The following KRTAP10-6 variants were observed in gnomAD, a reference collection of about 807,000 sequenced individuals.
The protein encoded by KRTAP10-6 is keratin-associated protein 10-6.
A neutral mutation model predicts 0.5 loss-of-function variants in KRTAP10-6; 1 was observed. That is an observed-to-expected ratio of 1.92 (90% confidence interval 0.68 to 9.09). KRTAP10-6 has a LOEUF of 9.09. Ranked by LOEUF, KRTAP10-6 falls within the 30% of genes most tolerant of loss-of-function variation. The probability of loss-of-function intolerance (pLI) is 0.13; values close to 1 mark genes in which losing one functional copy is unlikely to be tolerated. For missense variants in KRTAP10-6, 337 were observed against 464.2 expected (o/e 0.73, Z 2.52); for synonymous variants, 136 against 196.5 (o/e 0.69, Z 2.58).
Position 44,592,481 on chromosome 21 carries a change from C to A in KRTAP10-6, c.4G>T (p.Ala2Ser), listed in dbSNP as rs200782691. The change falls in exon 1 of 1, where the codon GCC (alanine) becomes TCC (serine). Residue 2 changes from alanine (A) to serine (S), a missense_variant. Transcript: ENST00000400368. Reference sequence around the variant, plus strand: ...GAGCAGACGGACATGGTGGACGCGGCCATGCTGGGGTTGAACTGGTGGAGG... The same window carrying A: ...GAGCAGACGGACATGGTGGACGCGGACATGCTGGGGTTGAACTGGTGGAGG... M[A>S]ASTMSVCSSD... 1.2e-6 allele frequency: 2 copies of A among 1,608,598 alleles called. No individual in the cohort carries two copies. Among genetic ancestry groups the A allele is most frequent in the Non-Finnish European group, 1.7e-6 (2 of 1,176,980 alleles).
rs782451272 is a variant in KRTAP10-6 at position 44,592,181 on chromosome 21, A to G, written c.304T>C (p.Ser102Pro). ...QSSCQLACCASSPCQQACCVP... is the reference protein window; with the variant it reads ...QSSCQLACCAPSPCQQACCVP... The stretch of plus-strand genomic sequence containing the variant: ...CAGCAGGCCTGCTGGCAGGGGGAGG[A>G]GGCACAGCAAGCCAGCTGGCAGCTA... Residue 102 changes from serine (S) to proline (P), a missense_variant, in exon 1 of 1, where the codon TCC becomes CCC. By Grantham distance (74) the Ser-to-Pro change is moderately conservative. Around this residue, in one of 3 missense-constraint regions of KRTAP10-6, gnomAD observed 87 missense variants for 208.2 expected, o/e 0.42. Coordinates refer to ENST00000400368, the MANE Select transcript of KRTAP10-6 (RefSeq NM_198688.3). 3.2e-6 allele frequency: 5 copies of G among 1,576,452 alleles called. No individual in the cohort carries two copies. The highest frequency in any genetic ancestry group is 4.3e-6 in the Non-Finnish European group (5 of 1,155,234).
In KRTAP10-6 at chr21:44,591,914, A is replaced by C. The variant is rs1555926724; in HGVS notation, c.571T>G (p.Cys191Gly). The C allele has an allele frequency of 2.5e-6, 4 of 1,608,862 alleles. No homozygotes were observed. In the Admixed American group the frequency reaches 6.7e-5, roughly 27 times the overall value. The change falls in exon 1 of 1, where the codon TGT becomes GGT. Residue 191 changes from cysteine (C) to glycine (G), a missense_variant. Around this residue, in one of 3 missense-constraint regions of KRTAP10-6, gnomAD observed 218 missense variants for 225.3 expected, o/e 0.97. Transcript: ENST00000400368. ...CCTGATTGGCAGGGGCTGGGCTCAC[A>C]GACCGCCTGGCAGCAGGGGCTGGAC... ...CVSSPCCQAV[C>G]EPSPCQSGCT...
At position 44,592,048 on chromosome 21, in the gene KRTAP10-6, C is replaced by A. The variant is rs1354562363; in HGVS notation, c.437G>T (p.Cys146Phe). Residue 146 changes from cysteine (C) to phenylalanine (F), a missense_variant, in exon 1 of 1, where the codon TGC (cysteine) becomes TTC (phenylalanine). By Grantham distance (205) the Cys-to-Phe change is radical (BLOSUM62 -2). Transcript: ENST00000400368. ...GGCCTGCTGGCAGGGGGAGGAGGTG[C>A]AGCAAGCTGACTGGCAGCTAGACTG... ...CQQSSCQSACCTSSPCQQACC... is the reference protein window; with the variant it reads ...CQQSSCQSACFTSSPCQQACC... 5 of 1,600,976 alleles carry A rather than the reference C, an allele frequency of 3.1e-6. No homozygotes were observed. Among genetic ancestry groups the A allele is most frequent in the Non-Finnish European group, 4.3e-6 (5 of 1,173,216 alleles).
rs1382498347 is a variant in KRTAP10-6, at chr21:44,592,379, C to T, written c.106G>A (p.Asp36Asn). 9 of 1,558,712 alleles carry T rather than the reference C, an allele frequency of 5.8e-6. No individual in the cohort carries two copies. In the East Asian group the frequency reaches 9.1e-5, roughly 16 times the overall value. ...DSCSDSWQVD[D>N]CPESCCEPPC... ...GGCTCACAGCAGCTCTCTGGGCAGT[C>T]GTCCACCTGCCAGGAGTCGGAGCAA... The change falls in exon 1 of 1, where the codon GAC becomes AAC. Residue 36 changes from aspartate to asparagine, a missense_variant. Asp to Asn is a conservative substitution (Grantham distance 23, BLOSUM62 1). This residue lies in a region of KRTAP10-6 where 87 missense variants were observed against 208.2 expected (regional missense o/e 0.42). Transcript: ENST00000400368.
In KRTAP10-6 at chr21:44,591,449, G is replaced by A. The variant is rs200502354; in HGVS notation, c.1036C>T (p.Arg346Cys). 257 of 1,613,960 alleles carry A rather than the reference G, an allele frequency of 1.6e-4. No homozygotes were observed. The highest frequency in any genetic ancestry group is 8.0e-4 in the African/African-American group (60 of 74,978). Reference protein sequence around the residue: ...RTASCVSLLCRPMCSRPACYS... With the variant: ...RTASCVSLLCCPMCSRPACYS... ...CAGGCAGGGCGGGAGCACATGGGGC[G>A]GCAGAGGAGGGAAACACAGGAGGCC... Residue 346 changes from arginine to cysteine, a missense_variant, in exon 1 of 1, where the codon CGC becomes TGC. Physicochemically the swap from Arg to Cys is radical, Grantham distance 180 (BLOSUM62 -3). This residue lies in a region of KRTAP10-6 where 218 missense variants were observed against 225.3 expected (regional missense o/e 0.97). Coordinates refer to ENST00000400368, the MANE Select transcript of KRTAP10-6 (RefSeq NM_198688.3).
chr21:44,591,390 G>A lies in KRTAP10-6; in HGVS notation c.1095C>T (p.Cys365=), dbSNP rs782547201. The A allele has an allele frequency of 3.1e-6, 5 of 1,603,298 alleles. No individual in the cohort carries two copies. In the East Asian group the frequency reaches 6.7e-5, roughly 21 times the overall value. Reference sequence around the variant, plus strand: ...CTCCGGATCACATCCAGGGCTGTCAGCAGCTGGACTTCTGGCCAGAGCAGA... The same window carrying A: ...CTCCGGATCACATCCAGGGCTGTCAACAGCTGGACTTCTGGCCAGAGCAGA... ...YSLCSGQKSS[C] Residue 365 remains cysteine, a synonymous_variant, in exon 1 of 1, where the codon TGC becomes TGT. Transcript: ENST00000400368.
rs1979849838 is a variant in KRTAP10-6 at position 44,591,604 on chromosome 21, G to T, written c.881C>A (p.Thr294Asn). ...GGAGGAGGATCTGCAGCAGGAGGCG[G>T]TGCAGCAAGCCGGCTGGCAGCTAGA... ...QQSSCQPACC[T>N]ASCCRSSSSV... The change falls in exon 1 of 1, where the codon ACC (threonine) becomes AAC (asparagine). Residue 294 changes from threonine to asparagine, a missense_variant. By Grantham distance (65) the Thr-to-Asn change is moderately conservative. Coordinates refer to ENST00000400368, the MANE Select transcript of KRTAP10-6 (RefSeq NM_198688.3). 2 of 1,613,416 alleles carry T rather than the reference G, an allele frequency of 1.2e-6. No homozygotes were observed. Among genetic ancestry groups the T allele is most frequent in the Admixed American group, 1.7e-5 (1 of 59,892 alleles).
rs1555926541 is a variant in KRTAP10-6 at position 44,591,552 on chromosome 21, C to A, written c.933G>T (p.Val311=). 3 of 1,611,878 alleles carry A rather than the reference C, an allele frequency of 1.9e-6. No individual in the cohort carries two copies. Among genetic ancestry groups the A allele is most frequent in the Non-Finnish European group, 2.5e-6 (3 of 1,179,494 alleles). Residue 311 remains valine, a synonymous_variant, in exon 1 of 1, where the codon GTG becomes GTT. Coordinates refer to ENST00000400368, the MANE Select transcript of KRTAP10-6 (RefSeq NM_198688.3). ...CGGGCACGCAGCAGGTGGACTTGCA[C>A]ACAGGGTGGCAGAGGAGGGACACGG... ...SSSVSLLCHP[V]CKSTCCVPVP...
rs1979848872 is a variant in KRTAP10-6, at chr21:44,591,598, G to A, written c.887C>T (p.Ser296Phe). ...CACGGAGGAGGAGGATCTGCAGCAG[G>A]AGGCGGTGCAGCAAGCCGGCTGGCA... is the stretch of plus-strand genomic sequence containing the variant. ...SSCQPACCTA[S>F]CCRSSSSVSL... The change falls in exon 1 of 1, where the codon TCC becomes TTC. Residue 296 changes from serine to phenylalanine, a missense_variant. Coordinates refer to ENST00000400368, the MANE Select transcript of KRTAP10-6 (RefSeq NM_198688.3). 1 of 1,613,542 alleles carries A rather than the reference G, an allele frequency of 6.2e-7. No homozygotes were observed. The highest frequency in any genetic ancestry group is 8.5e-7 in the Non-Finnish European group (1 of 1,179,828).
rs782532314 is a variant in KRTAP10-6, at chr21:44,591,873, G to A, written c.612C>T (p.Cys204=). 1 of 1,591,824 alleles carries A rather than the reference G, an allele frequency of 6.3e-7. No homozygotes were observed. Among genetic ancestry groups the A allele is most frequent in the Non-Finnish European group, 8.5e-7 (1 of 1,178,272 alleles). The change falls in exon 1 of 1, where the codon TGC becomes TGT. Residue 204 remains cysteine (C), a synonymous_variant. Coordinates refer to ENST00000400368, the MANE Select transcript of KRTAP10-6 (RefSeq NM_198688.3). ...SPCQSGCTSS[C]TPSCCQQSSC... ...TAGACTGCTGGCAGCATGAGGGTGT[G>A]CAGGAGCTGGTGCAGCCTGATTGGC...
chr21:44,592,148 C>T lies in KRTAP10-6; in HGVS notation c.337G>A (p.Val113Ile), dbSNP rs1212699408. The change falls in exon 1 of 1, where the codon GTC (valine) becomes ATC (isoleucine). Residue 113 changes from valine to isoleucine, a missense_variant. Val to Ile is a conservative substitution (Grantham distance 29). Around this residue, in one of 3 missense-constraint regions of KRTAP10-6, gnomAD observed 87 missense variants for 208.2 expected, o/e 0.42. Transcript: ENST00000400368. ...SPCQQACCVP[V>I]CCKTVCCKPV... is the part of the protein sequence containing the mutation. ...TTGCAGCAGACAGTCTTGCAGCAGA[C>T]GGGCACGCAGCAGGCCTGCTGGCAG... 5.8e-6 allele frequency: 9 copies of T among 1,561,580 alleles called. No individual in the cohort carries two copies. In the East Asian group the frequency reaches 6.9e-5, roughly 12 times the overall value.
In KRTAP10-6 at chr21:44,592,306, A is replaced by C; in HGVS notation, c.179T>G (p.Val60Gly). Residue 60 changes from valine (V) to glycine (G), a missense_variant, in exon 1 of 1, where the codon GTG (valine) becomes GGG (glycine). Physicochemically the swap from Val to Gly is moderately radical, Grantham distance 109. Coordinates refer to ENST00000400368, the MANE Select transcript of KRTAP10-6 (RefSeq NM_198688.3). ...GCAGCAGGGGCTGGACACACGGCTC[A>C]CTGGGGTGCAGACCAGGCTCAGGCA... ...APCLSLVCTP[V>G]SRVSSPCCPV... The C allele has an allele frequency of 2.6e-6, 4 of 1,517,308 alleles. No individual in the cohort carries two copies. Among genetic ancestry groups the C allele is most frequent in the Non-Finnish European group, 3.5e-6 (4 of 1,130,650 alleles). 94.0% of individuals were successfully genotyped at this position (1,517,308 alleles called of 1,614,324 possible).
Position 44,591,681 on chromosome 21 carries a change from G to T in KRTAP10-6, c.804C>A (p.His268Gln), listed in dbSNP as rs781849099. Residue 268 changes from histidine to glutamine, a missense_variant, in exon 1 of 1, where the codon CAC becomes CAA. Around this residue, in one of 3 missense-constraint regions of KRTAP10-6, gnomAD observed 218 missense variants for 225.3 expected, o/e 0.97. Transcript: ENST00000400368. ...CAGAGCAGACGGGCACACAGCAGGC[G>T]TGCTGGCAGGGGGAGGAGGTGCAGC... The part of the protein sequence containing the change: ...PACCTSSPCQ[H>Q]ACCVPVCSGA... The T allele has an allele frequency of 6.4e-7, 1 of 1,571,168 alleles. No homozygotes were observed. The highest frequency in any genetic ancestry group is 2.4e-5 in the East Asian group (1 of 42,332).
In KRTAP10-6 at chr21:44,591,475, G is replaced by C; in HGVS notation, c.1010C>G (p.Thr337Arg). 11 of 1,614,058 alleles carry C rather than the reference G, an allele frequency of 6.8e-6. No homozygotes were observed. Among genetic ancestry groups the C allele is most frequent in the Non-Finnish European group, 9.3e-6 (11 of 1,180,006 alleles). The change falls in exon 1 of 1, where the codon ACG becomes AGG. Residue 337 changes from threonine (T) to arginine (R), a missense_variant. By Grantham distance (71) the Thr-to-Arg change is moderately conservative. This residue lies in a region of KRTAP10-6 where 218 missense variants were observed against 225.3 expected (regional missense o/e 0.97). Coordinates refer to ENST00000400368, the MANE Select transcript of KRTAP10-6 (RefSeq NM_198688.3). ...ASSCQPSCCR[T>R]ASCVSLLCRP... is the part of the protein sequence containing the mutation. ...GCAGAGGAGGGAAACACAGGAGGCC[G>C]TGCGGCAGCAGCTGGGCTGGCAGGA...
At position 44,591,486 on chromosome 21, in the gene KRTAP10-6, G is replaced by A. The variant is rs782096099; in HGVS notation, c.999C>T (p.Ser333=). 2 of 1,614,084 alleles carry A rather than the reference G, an allele frequency of 1.2e-6. No homozygotes were observed. The highest frequency in any genetic ancestry group is 1.7e-6 in the Non-Finnish European group (2 of 1,180,018). ...AAACACAGGAGGCCGTGCGGCAGCA[G>A]CTGGGCTGGCAGGAGGAGGCAGAGG... ...CGASASSCQP[S]CCRTASCVSL... is the part of the protein sequence containing the mutation. The change falls in exon 1 of 1, where the codon AGC becomes AGT. Residue 333 remains serine (S), a synonymous_variant. Transcript: ENST00000400368.
chr21:44,591,867 GGGTGTGCAGGA>G, the KRTAP10-6 span: 1 of 1,587,620 alleles, frequency 6.3e-7, no homozygotes, highest in Non-Finnish European at 8.5e-7. Flanking sequence ...GGCAGCATGA[GGGTGTGCAGGA>G]GCTGGTGCAG....
chr21:44,591,780 C>T lies in KRTAP10-6; in HGVS notation c.705G>A (p.Val235=), dbSNP rs1383280326. ...QQACCVPVCC[V]PVCCVPTCSE... Reference sequence around the variant, plus strand: ...AGCAGGTGGGCACACAGCACACAGGCACGCAGCAGACGGGCACGCAGCAGG... The same window carrying T: ...AGCAGGTGGGCACACAGCACACAGGTACGCAGCAGACGGGCACGCAGCAGG... Residue 235 remains valine (V), a synonymous_variant, in exon 1 of 1, where the codon GTG becomes GTA. Transcript: ENST00000400368. The T allele has an allele frequency of 4.4e-6, 7 of 1,585,164 alleles. No individual in the cohort carries two copies. The highest frequency in any genetic ancestry group is 6.0e-6 in the Non-Finnish European group (7 of 1,167,724).
At position 44,591,369 on chromosome 21, in the gene KRTAP10-6, G is replaced by A. The variant is rs150717437; in HGVS notation, c.*18C>T. On this transcript the variant is annotated 3_prime_UTR_variant, in exon 1 of 1. Coordinates refer to ENST00000400368, the MANE Select transcript of KRTAP10-6 (RefSeq NM_198688.3). ...TCAGCCCCTGGTGGGAAGGGACTCC[G>A]GATCACATCCAGGGCTGTCAGCAGC... 8,376 of 1,582,554 alleles carry A rather than the reference G, an allele frequency of 5.3e-3. 291 individuals are homozygous for A. The African/African-American group carries it at 0.099, about 19-fold the overall frequency.
chr21:44,592,380 G>A lies in KRTAP10-6; in HGVS notation c.105C>T (p.Asp35=), dbSNP rs201427246. The A allele has an allele frequency of 1.5e-5, 24 of 1,563,042 alleles. No individual in the cohort carries two copies. Among genetic ancestry groups the A allele is most frequent in the Middle Eastern group, 2.0e-4 (1 of 5,084 alleles). ...CDSCSDSWQV[D]DCPESCCEPP... is the part of the protein sequence containing the mutation. ...GCTCACAGCAGCTCTCTGGGCAGTC[G>A]TCCACCTGCCAGGAGTCGGAGCAAG... The change falls in exon 1 of 1, where the codon GAC becomes GAT. Residue 35 remains aspartate, a synonymous_variant. Coordinates refer to ENST00000400368, the MANE Select transcript of KRTAP10-6 (RefSeq NM_198688.3).
Sources: allele counts gnomAD v4.1 joint callset, GRCh38; gene constraint gnomAD v4.1.1; regional missense constraint gnomAD v4.1.1; transcripts MANE v1.5; gene names NCBI Gene and HGNC (gene_info 2026-07-23, HGNC 2026-07-21).